GNB5: variants seen among roughly 807,000 people sequenced by gnomAD.
GNB5 encodes the protein G protein subunit beta 5.
A neutral mutation model predicts 55.3 loss-of-function variants in GNB5; 37 were observed. The observed-to-expected ratio is 0.67, with a 90% confidence interval of 0.51 to 0.88. GNB5 has a LOEUF of 0.88. Ranked by LOEUF, GNB5 falls within the 40% of genes least tolerant of loss-of-function variation. The probability of loss-of-function intolerance (pLI) is 0.00; values close to 1 mark genes in which losing one functional copy is unlikely to be tolerated. For synonymous variants in GNB5, 219 were observed against 198.5 expected (o/e 1.10, Z -0.87); for missense variants, 476 against 515.3 (o/e 0.92, Z 0.74).
intron 1 of GNB5, among the ~76,000 whole-genome samples, chr15:52,188,088 A>C (rs2034871315): frequency 1.3e-5 from 2 of 152,208 alleles, no homozygotes; most frequent in Admixed American, 1.3e-4. Flanking sequence ...TATCTTTATA[A>C]GTATATATGT....
At chr15:52,137,142 T>C in intron 7 of GNB5, 1 of 741,058 alleles carries the variant, frequency 1.3e-6, no homozygotes, top group Non-Finnish European at 1.9e-6. Context: ...CAGAACCTAC[T>C]AAGATTCTGC....
chr15:52,164,061 T>C (rs1281959373), intron 3 of GNB5, among the ~76,000 whole-genome samples: 1 of 152,052 alleles, frequency 6.6e-6, no homozygotes, highest in East Asian at 1.9e-4. Flanking sequence ...TCCAGCACTT[T>C]GGGAGGCCGA....
chr15:52,126,859 A>G (rs975734612), intron 10 of GNB5, among the ~76,000 whole-genome samples: 4 of 152,282 alleles, frequency 2.6e-5, no homozygotes, highest in African/African-American at 9.6e-5. Flanking sequence ...CAATGGCGCT[A>G]TCTTGGCTCA....
rs770317134 is a variant in GNB5 at position 52,179,858 on chromosome 15, C to T, written c.148G>A (p.Glu50Lys). 1.9e-6 allele frequency: 3 copies of T among 1,549,742 alleles called. No homozygotes were observed. Among genetic ancestry groups the T allele is most frequent in the African/African-American group, 1.4e-5 (1 of 70,370 alleles). Reference protein sequence around the residue: ...AEIMATEGLHENETLASLKSE... With the variant: ...AEIMATEGLHKNETLASLKSE... ...TTCAGCGACGCCAGCGTCTCGTTCTCGTGCAGCCCCTCGGTTGCCATCTTC... is the reference window on the plus strand; with the variant it reads ...TTCAGCGACGCCAGCGTCTCGTTCTTGTGCAGCCCCTCGGTTGCCATCTTC... The change falls in exon 3 of 13, where the codon GAG (glutamate) becomes AAG (lysine). Residue 50 changes from glutamate (E) to lysine (K), a missense_variant. Physicochemically the swap from Glu to Lys is moderately conservative, Grantham distance 56. Coordinates refer to ENST00000261837, the MANE Select transcript of GNB5 (RefSeq NM_016194.4).
In GNB5 at chr15:52,117,102, A is replaced by ATATATATATATATTTTTTTTT; in HGVS notation, c.*5654_*5655insAAAAAAAAATATATATATATA. ...CCACGCCCAGCTAATATATATATAT[A>ATATATATATATATTTTTTTTT]TTTTTTTTTAGTACAGACAGGGTTT... On this transcript the variant is annotated 3_prime_UTR_variant, in exon 13 of 13. Coordinates refer to ENST00000261837, the MANE Select transcript of GNB5 (RefSeq NM_016194.4). 1 of 87,100 alleles carries ATATATATATATATTTTTTTTT rather than the reference A, an allele frequency of 1.1e-5. No homozygotes were observed. Among genetic ancestry groups the ATATATATATATATTTTTTTTT allele is most frequent in the African/African-American group, 6.1e-5 (1 of 16,446 alleles). The allele number at this position is 87,100 out of a possible 1,614,324, so 5.4% of individuals were successfully genotyped here. A position where few individuals can be genotyped will look rare whatever the true frequency, so the allele number is the denominator to read the frequency against.
At chr15:52,166,289 A>G (rs2034449391) in intron 3 of GNB5, among the ~76,000 whole-genome samples, 1 of 152,182 alleles carries the variant, frequency 6.6e-6, no homozygotes, top group East Asian at 1.9e-4. Context: ...TCATTGAGAG[A>G]GAAAATTAAC....
chr15:52,127,867 GTCACGTTCATAACAT>G, intron 10 of GNB5, among the ~76,000 whole-genome samples: 2 of 150,212 alleles, frequency 1.3e-5, no homozygotes, highest in Non-Finnish European at 3.0e-5. Context: ...GAAGACGAAT[GTCACGTTCATAACAT>G]GGAATACTAC....
intron 2 of GNB5, among the ~76,000 whole-genome samples, chr15:52,181,716 G>A (rs1052161840): frequency 2.6e-5 from 4 of 152,182 alleles, no homozygotes; most frequent in Non-Finnish European, 5.9e-5. Context: ...TTCACTGCTA[G>A]TTCTCTTTTC....
chr15:52,189,334 A>C (rs1312062123), intron 1 of GNB5, among the ~76,000 whole-genome samples: 1 of 152,148 alleles, frequency 6.6e-6, no homozygotes, highest in Non-Finnish European at 1.5e-5. Context: ...GTGGTGGCTC[A>C]TGCCTGTAAT....
In GNB5 at chr15:52,140,019, G is replaced by A. The variant is rs1034593021; in HGVS notation, c.627+1121C>T. ...GCCACTGCACCAGTCAGTGGCCACA[G>A]CGCCCCCTGGTGAACAAGTCTGCAA... On this transcript the variant is annotated intron_variant, in intron 7 of 12. Coordinates refer to ENST00000261837, the MANE Select transcript of GNB5 (RefSeq NM_016194.4). The A allele has an allele frequency of 6.2e-6, 7 of 1,133,448 alleles. No homozygotes were observed. The African/African-American group carries it at 9.8e-5, about 16-fold the overall frequency. 70.2% of individuals were successfully genotyped at this position (1,133,448 alleles called of 1,614,324 possible).
chr15:52,130,922 T>C (rs1043015088), intron 9 of GNB5, among the ~76,000 whole-genome samples: 1 of 152,196 alleles, frequency 6.6e-6, no homozygotes, highest in African/African-American at 2.4e-5. Flanking sequence ...GCCTGCTGGG[T>C]TCAAGCGATT....
chr15:52,136,991 G>A (rs1204551938), intron 7 of GNB5: 2 of 453,896 alleles, frequency 4.4e-6, no homozygotes, highest in African/African-American at 4.0e-5. Flanking sequence ...AAGATTAACA[G>A]CTTGCTCATC....
At chr15:52,175,300 A>AT (rs1263439663) in intron 3 of GNB5, among the ~76,000 whole-genome samples, 1 of 152,222 alleles carries the variant, frequency 6.6e-6, no homozygotes, top group Non-Finnish European at 1.5e-5. Flanking sequence ...ATTTGGTACT[A>AT]TAAAACTCAT....
At chr15:52,149,251 C>T (rs2034041162) in intron 5 of GNB5, 1 of 152,704 alleles carries the variant, frequency 6.5e-6, no homozygotes, top group Admixed American at 6.5e-5. Context: ...TAAAGGAAGG[C>T]TTTCTAAATA....
At chr15:52,162,532 G>A (rs1354214254) in intron 3 of GNB5, among the ~76,000 whole-genome samples, 5 of 152,132 alleles carry the variant, frequency 3.3e-5, no homozygotes, top group Admixed American at 6.5e-5. Flanking sequence ...CTGCAAAGAA[G>A]ACAAGCGAAA....
At chr15:52,184,808 A>G in intron 1 of GNB5, 114 bp from the exon 2 acceptor site, 1 of 728,662 alleles carries the variant, frequency 1.4e-6, no homozygotes, top group Non-Finnish European at 2.3e-6. Context: ...CATGTGGGAT[A>G]GAGTATATGC....
At position 52,120,080 on chromosome 15, in the gene GNB5, A is replaced by G. The variant is rs2033229133; in HGVS notation, c.*2677T>C. The stretch of plus-strand genomic sequence containing the variant: ...TTCATGTCACAGATATTTCCCATAA[A>G]TACCCATCACCCACACCTTTCTGCC... On this transcript the variant is annotated 3_prime_UTR_variant, in exon 13 of 13. Coordinates refer to ENST00000261837, the MANE Select transcript of GNB5 (RefSeq NM_016194.4). 6.6e-6 allele frequency: 1 copy of G among 152,226 alleles called. No individual in the cohort carries two copies. The highest frequency in any genetic ancestry group is 1.5e-5 in the Non-Finnish European group (1 of 68,132). The allele number at this position is 152,226 out of a possible 1,614,324, so 9.4% of individuals were successfully genotyped here. A position where few individuals can be genotyped will look rare whatever the true frequency, so the allele number is the denominator to read the frequency against.
intron 9 of GNB5, 51 bp downstream of exon 9, chr15:52,133,327 C>T (rs776987093): frequency 5.5e-6 from 7 of 1,276,906 alleles, no homozygotes; most frequent in Non-Finnish European, 6.9e-6. Context: ...TTACCCAAGC[C>T]AGGCAATGCC....
chr15:52,158,616 G>C (rs1015455708), intron 3 of GNB5, among the ~76,000 whole-genome samples: 3 of 151,296 alleles, frequency 2.0e-5, no homozygotes, highest in Admixed American at 6.6e-5. Context: ...CAGGGTTTCA[G>C]ACCTACTTTC....
Sources: allele counts gnomAD v4.1 joint callset (sites outside exome capture counted in the v4.1 genomes callset), GRCh38; gene constraint gnomAD v4.1.1; transcripts MANE v1.5; gene names NCBI Gene and HGNC (gene_info 2026-07-23, HGNC 2026-07-21).